Variants in TRRAP observed in about 807,000 individuals in gnomAD.
TRRAP encodes the protein transformation/transcription domain-associated protein.
In TRRAP, 41 loss-of-function variants were observed where a neutral mutation model predicts 438.8. The ratio of observed to expected loss-of-function variants is 0.09; its 90% CI spans 0.07 to 0.12. TRRAP has a LOEUF of 0.12. Ranked by LOEUF, TRRAP falls within the 10% of genes least tolerant of loss-of-function variation. The pLI, the probability that TRRAP is intolerant of heterozygous loss-of-function variation, is 1.00. For missense variants in TRRAP, 3,122 were observed against 5,055.1 expected, an observed-to-expected ratio of 0.62 and a Z score of 11.60; for synonymous variants, 1,994 against 1,962.9, an observed-to-expected ratio of 1.02 and a Z score of -0.42.
At chr7:98,893,474 A>G (rs187433710) in intron 5 of TRRAP, among the ~76,000 whole-genome samples, 77 of 152,356 alleles carry the variant, frequency 5.1e-4, no homozygotes, top group African/African-American at 1.5e-3. Flanking sequence ...CACTTGCCCA[A>G]TAATTCTTTC....
chr7:98,956,452 A>G lies in TRRAP; in HGVS notation c.6150A>G (p.Ser2050=). Residue 2050 remains serine, a synonymous_variant, in exon 43 of 73, where the codon TCA becomes TCG. Transcript: ENST00000456197. This position sits in a 1 kb window ranked among gnomAD's most constrained non-coding sequence, Gnocchi z 4.5. ...NSSGEGVNSV[S]SSIKRGLSVD... ...GTGGAGAAGGAGTCAATTCTGTCTCATCCTCCATTAAGAGAGGCCTGTCCG... is the reference window on the plus strand; with the variant it reads ...GTGGAGAAGGAGTCAATTCTGTCTCGTCCTCCATTAAGAGAGGCCTGTCCG... 6.2e-7 allele frequency: 1 copy of G among 1,614,242 alleles called. No individual in the cohort carries two copies. The highest frequency in any genetic ancestry group is 8.5e-7 in the Non-Finnish European group (1 of 1,180,050).
chr7:98,907,094 C>A (rs1005284606), intron 13 of TRRAP, among the ~76,000 whole-genome samples: 2 of 151,688 alleles, frequency 1.3e-5, no homozygotes, highest in Middle Eastern at 7.0e-3. Flanking sequence ...GAGGCCGAGG[C>A]GGGCAGATCA....
rs782490323 is a variant in TRRAP, at chr7:98,917,440, A to G, written c.2383A>G (p.Ser795Gly). The stretch of plus-strand genomic sequence containing the variant: ...TTCCCTAGGGCTGAACATGCTTCAG[A>G]GTGGCCTGCACAAGCAGCACATGAA... ...NLLQGLNMLQ[S>G]GLHKQHMKDL... The change falls in exon 20 of 73, where the codon AGT becomes GGT. Residue 795 changes from serine to glycine, a missense_variant. Coordinates refer to ENST00000456197, the MANE Select transcript of TRRAP (RefSeq NM_001375524.1). The G allele has an allele frequency of 6.2e-7, 1 of 1,614,106 alleles. No individual in the cohort carries two copies. The highest frequency in any genetic ancestry group is 8.5e-7 in the Non-Finnish European group (1 of 1,180,022).
intron 31 of TRRAP, among the ~76,000 whole-genome samples, chr7:98,944,958 C>T (rs187775559): frequency 4.1e-4 from 63 of 152,266 alleles, no homozygotes; most frequent in African/African-American, 1.2e-3. Context: ...GCGCCTGACA[C>T]CACATCCAGC....
At chr7:98,967,202 C>T (rs776859487) in intron 50 of TRRAP, 40 bp downstream of exon 50, 2 of 1,585,034 alleles carry the variant, frequency 1.3e-6, no homozygotes, top group Non-Finnish European at 1.7e-6. Flanking sequence ...TATATTGGTC[C>T]TTAATGTGCT....
At chr7:98,957,733 G>A (rs964980499) in intron 43 of TRRAP, among the ~76,000 whole-genome samples, 4 of 152,084 alleles carry the variant, frequency 2.6e-5, no homozygotes, top group African/African-American at 9.7e-5. Context: ...CCTTGATGTC[G>A]TCTTGGGCCT....
rs753533205 is a variant in TRRAP, at chr7:99,012,047, C to CGT, written c.11338-23_11338-22dup. On this transcript the variant is annotated intron_variant, in intron 72 of 72. Coordinates refer to ENST00000456197, the MANE Select transcript of TRRAP (RefSeq NM_001375524.1). The surrounding 1 kb of genome is among the most constrained non-coding windows in gnomAD (Gnocchi z 5.9). ...GGGCTGTTCTTGGTTAAACACAAGT[C>CGT]GTCTCGTTCTCTCCCTCACGCAGGT... 6.2e-7 allele frequency: 1 copy of CGT among 1,606,574 alleles called. No individual in the cohort carries two copies. Among genetic ancestry groups the CGT allele is most frequent in the South Asian group, 1.1e-5 (1 of 90,200 alleles).
In TRRAP at chr7:98,930,165, A is replaced by G; in HGVS notation, c.3352A>G (p.Ile1118Val). The G allele has an allele frequency of 6.2e-7, 1 of 1,614,144 alleles. No individual in the cohort carries two copies. The highest frequency in any genetic ancestry group is 8.5e-7 in the Non-Finnish European group (1 of 1,180,020). ...CKIGEVALAV[I>V]FDVASIILGS... ...AATCGGGGAGGTGGCCCTAGCTGTGATATTTGATGTTGCAAGTATCATCCT... is the reference window on the plus strand; with the variant it reads ...AATCGGGGAGGTGGCCCTAGCTGTGGTATTTGATGTTGCAAGTATCATCCT... The change falls in exon 24 of 73, where the codon ATA (isoleucine) becomes GTA (valine). Residue 1118 changes from isoleucine to valine, a missense_variant. Ile to Val is a conservative substitution (Grantham distance 29). Coordinates refer to ENST00000456197, the MANE Select transcript of TRRAP (RefSeq NM_001375524.1).
In TRRAP at chr7:98,918,317, G is replaced by A. The variant is rs185163828; in HGVS notation, c.2622+638G>A. On this transcript the variant is annotated intron_variant, in intron 20 of 72. Coordinates refer to ENST00000456197, the MANE Select transcript of TRRAP (RefSeq NM_001375524.1). ...GCGATCTCGGCTCACTGCAACCTCC[G>A]CCTCCCGGGTTCAAGCAATTCTTCT... Among the ~76,000 whole-genome samples, 70 of 138,076 alleles carry A rather than the reference G, an allele frequency of 5.1e-4. No homozygotes were observed. The East Asian group carries it at 0.013, about 26-fold the overall frequency. 90.6% of individuals were successfully genotyped at this position (138,076 alleles called of 152,430 possible). A position where few individuals can be genotyped will look rare whatever the true frequency, so the allele number is the denominator to read the frequency against.
At chr7:98,949,606 A>G (rs1554417710) in intron 36 of TRRAP, 25 bp downstream of exon 36, 2 of 1,586,464 alleles carry the variant, frequency 1.3e-6, no homozygotes, top group Non-Finnish European at 1.7e-6. Flanking sequence ...TCCAGCCCCC[A>G]ATGCCCAGGG....
chr7:98,972,274 C>T (rs1267018052), intron 53 of TRRAP, among the ~76,000 whole-genome samples: 1 of 152,172 alleles, frequency 6.6e-6, no homozygotes, highest in African/African-American at 2.4e-5. Context: ...GATTCCTGGA[C>T]TCAAGTGATC....
Position 98,917,511 on chromosome 7 carries a change from C to T in TRRAP, c.2454C>T (p.Ser818=). 6.2e-7 allele frequency: 1 copy of T among 1,614,210 alleles called. No individual in the cohort carries two copies. ...ELCLTVPVRL[S]SLLPYLPMLM... is the part of the protein sequence containing the mutation. ...GTCTCACCGTCCCTGTGCGGCTGAGCTCGCTTTTGCCGTACCTGCCCATGC... is the reference window on the plus strand; with the variant it reads ...GTCTCACCGTCCCTGTGCGGCTGAGTTCGCTTTTGCCGTACCTGCCCATGC... The change falls in exon 20 of 73, where the codon AGC becomes AGT. Residue 818 remains serine (S), a synonymous_variant. Coordinates refer to ENST00000456197, the MANE Select transcript of TRRAP (RefSeq NM_001375524.1).
chr7:98,983,813 G>C (rs1298165162), intron 60 of TRRAP, among the ~76,000 whole-genome samples: 1 of 152,056 alleles, frequency 6.6e-6, no homozygotes, highest in African/African-American at 2.4e-5. Context: ...GGTTTTCCTG[G>C]TCCCCCTCTT....
rs200525705 is a variant in TRRAP, at chr7:98,949,806, C to T, written c.5100C>T (p.Pro1700=). ...TGGCAGCCACCAACTGGAAGGAGCC[C>T]AAGCTGCTGGCCTACTGCCTGCTGA... is the stretch of plus-strand genomic sequence containing the variant. ...ENMAATNWKE[P]KLLAYCLLNY... Residue 1700 remains proline (P), a synonymous_variant, in exon 37 of 73, where the codon CCC becomes CCT. Transcript: ENST00000456197. The T allele has an allele frequency of 1.9e-6, 3 of 1,613,722 alleles. No homozygotes were observed. The East Asian group carries it at 6.7e-5, about 36-fold the overall frequency.
chr7:98,971,663 T>C, intron 52 of TRRAP, 136 bp from the exon 53 acceptor site: 2 of 1,048,642 alleles, frequency 1.9e-6, no homozygotes, highest in East Asian at 2.4e-5. Flanking sequence ...TTGAAGATTA[T>C]TTAAATACTT....
chr7:98,904,343 C>T (rs1002892352), intron 12 of TRRAP, among the ~76,000 whole-genome samples: 3 of 151,760 alleles, frequency 2.0e-5, no homozygotes, highest in Admixed American at 1.3e-4. Flanking sequence ...ATTAGCCAGG[C>T]GTGGTGGCGG....
In TRRAP at chr7:98,993,487, T is replaced by G. The variant is rs1793519665; in HGVS notation, c.9848-51T>G. 26 of 1,590,322 alleles carry G rather than the reference T, an allele frequency of 1.6e-5. No homozygotes were observed. The South Asian group carries it at 2.7e-4, about 16-fold the overall frequency. ...ATGGGTCCTGCAGCGCTCCGAGCCC[T>G]GGCGTCTGTCGGTTTTGCGCTGACA... On this transcript the variant is annotated intron_variant, in intron 65 of 72. Transcript: ENST00000456197.
chr7:98,985,965 T>G (rs910085265), intron 62 of TRRAP, among the ~76,000 whole-genome samples: 2 of 152,182 alleles, frequency 1.3e-5, no homozygotes, highest in African/African-American at 4.8e-5. Context: ...TCCCCCTTTC[T>G]CTTGACAACT....
At chr7:98,972,087 G>C in intron 53 of TRRAP, 142 bp downstream of exon 53, 2 of 1,229,204 alleles carry the variant, frequency 1.6e-6, no homozygotes, top group South Asian at 3.3e-5. Flanking sequence ...TTGTCACCCA[G>C]CCTGCAGTCT....
Sources: gnomAD v4.1 joint callset for allele counts (sites outside exome capture counted in the v4.1 genomes callset) on GRCh38, gnomAD v4.1.1 for gene constraint, Gnocchi (gnomAD v3.1) non-coding constraint, MANE v1.5 for transcripts, NCBI Gene and HGNC (gene_info 2026-07-23, HGNC 2026-07-21) for gene names.